The following LONRF3 variants were observed in gnomAD, a reference collection of about 807,000 sequenced individuals.
LONRF3 encodes LON peptidase N-terminal domain and ring finger 3, also known as LON peptidase N-terminal domain and RING finger protein 3.
A neutral mutation model predicts 51.7 loss-of-function variants in LONRF3; 19 were observed. The observed-to-expected ratio is 0.37, with a 90% CI of 0.26 to 0.54. The LOEUF (loss-of-function observed/expected upper bound fraction) is 0.54, where lower values mean the gene tolerates loss of function less well. Ranked by LOEUF, LONRF3 falls within the 20% of genes least tolerant of loss-of-function variation. The pLI is 0.86. For missense variants in LONRF3, 521 were observed against 623.9 expected, an observed-to-expected ratio of 0.84 and a Z score of 1.76; for synonymous variants, 265 against 257.8, an observed-to-expected ratio of 1.03 and a Z score of -0.27.
chrX:119,015,365 G>A (rs187149453), intron 10 of LONRF3, among the ~76,000 whole-genome samples: 100 of 111,926 alleles, frequency 8.9e-4, no homozygotes, highest in African/African-American at 3.0e-3. Flanking sequence ...CTGACATGAG[G>A]AGGGTTCTAA....
In LONRF3 at chrX:118,975,525, G is replaced by C. The variant is rs1397602073; in HGVS notation, c.745G>C (p.Glu249Gln). 2 of 1,202,627 alleles carry C rather than the reference G, an allele frequency of 1.7e-6. No homozygotes were observed. The highest frequency in any genetic ancestry group is 2.2e-5 in the Admixed American group (1 of 45,356). The change falls in exon 1 of 11, where the codon GAG becomes CAG. Residue 249 changes from glutamate to glutamine, a missense_variant. Physicochemically the swap from Glu to Gln is conservative, Grantham distance 29. Around this residue, in one of 2 missense-constraint regions of LONRF3, gnomAD observed 376 missense variants for 376.7 expected, o/e 1.00. Transcript: ENST00000371628. ...GPARASQLRH[E>Q]GNRLYRERQV... ...AGCGCGAGCGTCGCAACTCCGGCAC[G>C]AGGGCAACCGACTGTACCGCGAGCG... is the stretch of plus-strand genomic sequence containing the variant.
intron 8 of LONRF3, among the ~76,000 whole-genome samples, chrX:119,012,510 G>T (rs1378782369): frequency 9.0e-6 from 1 of 111,046 alleles, no homozygotes; most frequent in East Asian, 2.8e-4. Flanking sequence ...TGGTTCTGGA[G>T]GCTGGGAAGT....
At chrX:119,004,576 G>A (rs186007652) in intron 5 of LONRF3, among the ~76,000 whole-genome samples, 1 of 112,466 alleles carries the variant, frequency 8.9e-6, no homozygotes, top group East Asian at 2.8e-4. Flanking sequence ...TGCCTGTCCT[G>A]TACACTGGGC....
chrX:118,999,164 G>A (rs1335613075), intron 5 of LONRF3, among the ~76,000 whole-genome samples: 1 of 111,605 alleles, frequency 9.0e-6, no homozygotes, highest in African/African-American at 3.3e-5. Flanking sequence ...AAAATTTTAG[G>A]TGCCAGATTT....
chrX:118,989,847 T>C (rs184299320), intron 4 of LONRF3, among the ~76,000 whole-genome samples, 175 bp downstream of exon 4: 1 of 111,838 alleles, frequency 8.9e-6, no homozygotes, highest in East Asian at 2.8e-4. Context: ...TGAGATCATG[T>C]ACAGTGCCTA....
chrX:118,988,799 CTT>C lies in LONRF3; in HGVS notation c.1060-595_1060-594del, dbSNP rs67313203. 1.5e-3 allele frequency among the ~76,000 whole-genome samples: 134 copies of C among 91,230 alleles called. 2 individuals are homozygous for C. Among genetic ancestry groups the C allele is most frequent in the Admixed American group, 3.2e-3 (26 of 8,206 alleles). 79.2% of individuals were successfully genotyped at this position (91,230 alleles called of 115,157 possible). A position where few individuals can be genotyped will look rare whatever the true frequency, so the allele number is the denominator to read the frequency against. On this transcript the variant is annotated intron_variant, in intron 3 of 10. Coordinates refer to ENST00000371628, the MANE Select transcript of LONRF3 (RefSeq NM_001031855.3). ...GATTTTTTTTGCCAGGTGATTTTGTCTTTTTTTTTTTTTTTAATGCTTTTCAC... is the reference window on the plus strand; with the variant it reads ...GATTTTTTTTGCCAGGTGATTTTGTCTTTTTTTTTTTTTAATGCTTTTCAC...
chrX:119,004,947 C>G (rs1341050209), intron 5 of LONRF3, among the ~76,000 whole-genome samples: 2 of 112,438 alleles, frequency 1.8e-5, no homozygotes, highest in Admixed American at 1.9e-4. Context: ...TTTCATCTGT[C>G]AACAGTTGGC....
intron 9 of LONRF3, among the ~76,000 whole-genome samples, chrX:119,013,615 G>A (rs767675853): frequency 4.5e-5 from 5 of 112,014 alleles, no homozygotes; most frequent in South Asian, 3.8e-4. Flanking sequence ...TTTAAAGTAC[G>A]TAACCTGGCT....
At chrX:119,001,599 G>C (rs1402513571) in intron 5 of LONRF3, among the ~76,000 whole-genome samples, 1 of 111,673 alleles carries the variant, frequency 9.0e-6, no homozygotes, top group Non-Finnish European at 1.9e-5. Context: ...CCTAAATATA[G>C]AAATGAATTG....
intron 2 of LONRF3, 70 bp downstream of exon 2, chrX:118,978,533 C>A: frequency 1.5e-6 from 1 of 688,739 alleles, no homozygotes; most frequent in Non-Finnish European, 2.3e-6. Flanking sequence ...GGGCTGCCTC[C>A]CTGGAGCATA....
Position 118,974,672 on chromosome X carries a change from G to A in LONRF3, c.-109G>A. 1 of 696,017 alleles carries A rather than the reference G, an allele frequency of 1.4e-6. No homozygotes were observed. The highest frequency in any genetic ancestry group is 2.1e-6 in the Non-Finnish European group (1 of 474,871). The allele number at this position is 696,017 out of a possible 1,213,427, so 57.4% of individuals were successfully genotyped here. On this transcript the variant is annotated 5_prime_UTR_variant, in exon 1 of 11. Transcript: ENST00000371628. Reference sequence around the variant, plus strand: ...GCTCCCGGAGGCGCGGCAGGGTCAGGAGCTCGGTGGCATGGCGGCGGTGGC... The same window carrying A: ...GCTCCCGGAGGCGCGGCAGGGTCAGAAGCTCGGTGGCATGGCGGCGGTGGC...
chrX:118,992,181 C>T (rs1288314176), intron 5 of LONRF3, among the ~76,000 whole-genome samples: 3 of 111,610 alleles, frequency 2.7e-5, no homozygotes, highest in African/African-American at 3.3e-5. Context: ...CCAGCAATCC[C>T]GAGAGGGCCC....
chrX:118,987,451 T>TTTTG (rs1923081535), intron 3 of LONRF3, among the ~76,000 whole-genome samples: 5 of 82,296 alleles, frequency 6.1e-5, no homozygotes, highest in African/African-American at 1.3e-4. Flanking sequence ...CTAAGTTTTT[T>TTTTG]TTTTTTTTTT....
At chrX:118,980,308 T>G (rs914067304) in intron 2 of LONRF3, among the ~76,000 whole-genome samples, 1 of 112,485 alleles carries the variant, frequency 8.9e-6, no homozygotes, top group Non-Finnish European at 1.9e-5. Flanking sequence ...GACAGCTTCC[T>G]GTAATCCAAC....
chrX:119,017,747 T>G lies in LONRF3; in HGVS notation c.*57T>G. Reference sequence around the variant, plus strand: ...TCCCCACTGCCGTCGGGGGGAGTCTTCTTGTAAATATATCTAATTGCAATA... The same window carrying G: ...TCCCCACTGCCGTCGGGGGGAGTCTGCTTGTAAATATATCTAATTGCAATA... On this transcript the variant is annotated 3_prime_UTR_variant, in exon 11 of 11. Transcript: ENST00000371628. 7 of 1,042,164 alleles carry G rather than the reference T, an allele frequency of 6.7e-6. No individual in the cohort carries two copies. Among genetic ancestry groups the G allele is most frequent in the Non-Finnish European group, 9.0e-6 (7 of 776,933 alleles). The allele number at this position is 1,042,164 out of a possible 1,213,427, so 85.9% of individuals were successfully genotyped here. A position where few individuals can be genotyped will look rare whatever the true frequency, so the allele number is the denominator to read the frequency against.
At chrX:119,010,847 C>G (rs2147306598) in intron 7 of LONRF3, among the ~76,000 whole-genome samples, 1 of 111,360 alleles carries the variant, frequency 9.0e-6, no homozygotes, top group Admixed American at 9.5e-5. Flanking sequence ...GGCATGGTGG[C>G]TCATGCGTGT....
At chrX:118,979,742 C>T (rs1922408771) in intron 2 of LONRF3, among the ~76,000 whole-genome samples, 2 of 111,811 alleles carry the variant, frequency 1.8e-5, no homozygotes, top group African/African-American at 6.5e-5. Flanking sequence ...TCCTCACACT[C>T]ACACAATGGT....
intron 3 of LONRF3, 135 bp downstream of exon 3, chrX:118,983,078 A>G: frequency 6.5e-6 from 4 of 611,173 alleles, no homozygotes; most frequent in Non-Finnish European, 5.0e-6. Context: ...TTAAGGGGAC[A>G]AAAGGGAGAT....
chrX:118,986,017 T>A (rs768819191), intron 3 of LONRF3, among the ~76,000 whole-genome samples: 3 of 106,561 alleles, frequency 2.8e-5, no homozygotes, highest in Non-Finnish European at 5.8e-5. Context: ...CAAAGTCACC[T>A]GCTCTCCTTG....
Sources: gnomAD v4.1 joint callset for allele counts (sites outside exome capture counted in the v4.1 genomes callset) on GRCh38, gnomAD v4.1.1 for gene constraint, gnomAD v4.1.1 regional missense constraint, MANE v1.5 for transcripts, NCBI Gene and HGNC (gene_info 2026-07-23, HGNC 2026-07-21) for gene names.